ERBB4: variants seen among roughly 807,000 people sequenced by gnomAD.
The protein encoded by ERBB4 is erb-b2 receptor tyrosine kinase 4.
ERBB4 carries 42 observed loss-of-function variants against 158.0 expected under a neutral mutation model. That is an observed-to-expected ratio of 0.27 (90% confidence interval 0.21 to 0.34). The LOEUF (loss-of-function observed/expected upper bound fraction) is 0.34. Among genes scored for constraint, ERBB4 ranks in the 10% least tolerant of loss-of-function variants. The probability of loss-of-function intolerance (pLI) is 1.00; values close to 1 mark genes in which losing one functional copy is unlikely to be tolerated. For synonymous variants in ERBB4, 583 were observed against 558.7 expected, an observed-to-expected ratio of 1.04 and a Z score of -0.61; for missense variants, 1,333 against 1,624.1, an observed-to-expected ratio of 0.82 and a Z score of 3.08.
intron 2 of ERBB4, among the ~76,000 whole-genome samples, chr2:212,015,767 G>C (rs1284178962): frequency 6.6e-6 from 1 of 152,072 alleles, no homozygotes; most frequent in Non-Finnish European, 1.5e-5. Flanking sequence ...ACAGTGTCTA[G>C]TATTTTCAAC....
intron 1 of ERBB4, among the ~76,000 whole-genome samples, chr2:212,423,509 T>C (rs1419282039): frequency 6.6e-6 from 1 of 152,188 alleles, no homozygotes; most frequent in Non-Finnish European, 1.5e-5. Flanking sequence ...ATACTATAAG[T>C]AGAAAAGCAG....
chr2:211,944,082 T>TAC (rs1491522091), intron 3 of ERBB4, among the ~76,000 whole-genome samples: 1 of 7,012 alleles, frequency 1.4e-4, no homozygotes, highest in Non-Finnish European at 3.6e-4. Flanking sequence ...ATGGTTACAC[T>TAC]ATATATATAT....
chr2:212,058,785 G>A (rs1236577101), intron 2 of ERBB4, among the ~76,000 whole-genome samples: 10 of 152,202 alleles, frequency 6.6e-5, no homozygotes, highest in East Asian at 1.9e-4. Context: ...TTGATGGGAC[G>A]TATCTCAAAA....
intron 2 of ERBB4, among the ~76,000 whole-genome samples, chr2:211,990,516 A>G (rs2082044932): frequency 7.1e-6 from 1 of 140,572 alleles, no homozygotes; most frequent in South Asian, 2.3e-4. Context: ...TAACCAAAAT[A>G]AAAATAAAAA....
chr2:212,124,586 T>C (rs923657700), intron 2 of ERBB4, 166 bp downstream of exon 2: 16 of 707,368 alleles, frequency 2.3e-5, no homozygotes, highest in Non-Finnish European at 3.9e-5. Flanking sequence ...TTGTTACTCT[T>C]GTTCTTTTCC....
chr2:211,946,170 C>A (rs1199606055), intron 3 of ERBB4, among the ~76,000 whole-genome samples: 2 of 151,952 alleles, frequency 1.3e-5, no homozygotes, highest in African/African-American at 4.8e-5. Flanking sequence ...AATTTGCATT[C>A]ACCATTATTT....
At chr2:212,113,609 T>C (rs1489161997) in intron 2 of ERBB4, among the ~76,000 whole-genome samples, 6 of 144,156 alleles carry the variant, frequency 4.2e-5, no homozygotes, top group Non-Finnish European at 7.5e-5. Context: ...AAAAAGGAAT[T>C]GGACATAAGG....
intron 2 of ERBB4, among the ~76,000 whole-genome samples, chr2:212,073,991 T>G (rs574103216): frequency 6.6e-6 from 1 of 152,116 alleles, no homozygotes; most frequent in African/African-American, 2.4e-5. Flanking sequence ...CCTCACATTC[T>G]CAACTTGTGA....
At chr2:211,610,131 C>G (rs112107285) in intron 19 of ERBB4, among the ~76,000 whole-genome samples, 2,029 of 151,728 alleles carry the variant, frequency 0.013, 44 homozygotes, top group African/African-American at 0.045. Flanking sequence ...GAATTTTTAT[C>G]TTTTATCCAC....
At chr2:212,071,246 A>G (rs767488476) in intron 2 of ERBB4, among the ~76,000 whole-genome samples, 9 of 151,844 alleles carry the variant, frequency 5.9e-5, no homozygotes, top group Non-Finnish European at 1.2e-4. Flanking sequence ...TCTGGTCCAT[A>G]CCTATATTTC....
chr2:212,332,576 A>G (rs1018541351), intron 1 of ERBB4, among the ~76,000 whole-genome samples: 4 of 152,034 alleles, frequency 2.6e-5, no homozygotes, highest in Non-Finnish European at 1.5e-5. Context: ...TAATTAATTA[A>G]TATAAGTAAT....
At chr2:212,009,391 C>CA (rs1207961343) in intron 2 of ERBB4, among the ~76,000 whole-genome samples, 1 of 151,414 alleles carries the variant, frequency 6.6e-6, no homozygotes, top group African/African-American at 2.4e-5. Flanking sequence ...AACACAGCTA[C>CA]AACCAAGGAA....
intron 2 of ERBB4, among the ~76,000 whole-genome samples, chr2:212,039,559 A>T (rs1263678303): frequency 6.6e-6 from 1 of 152,182 alleles, no homozygotes; most frequent in African/African-American, 2.4e-5. Flanking sequence ...CTTCTTATTA[A>T]GTAGTGCTCA....
intron 20 of ERBB4, among the ~76,000 whole-genome samples, chr2:211,506,327 C>T (rs2065749266): frequency 6.6e-6 from 1 of 152,010 alleles, no homozygotes; most frequent in Non-Finnish European, 1.5e-5. Context: ...CTTCAACATC[C>T]CATTGATAAC....
At chr2:212,384,134 C>T (rs998582383) in intron 1 of ERBB4, among the ~76,000 whole-genome samples, 2 of 151,610 alleles carry the variant, frequency 1.3e-5, no homozygotes, top group Admixed American at 1.3e-4. Context: ...TTAATAAGCA[C>T]AGAAGCTGCT....
intron 23 of ERBB4, 136 bp from the exon 24 acceptor site, chr2:211,422,240 G>A (rs1330981020): frequency 1.6e-6 from 1 of 643,276 alleles, no homozygotes; most frequent in Non-Finnish European, 2.8e-6. Context: ...AAGCAAGCTA[G>A]TGAAAGAAAC....
chr2:212,113,561 G>GAGACTCCA (rs569902635), intron 2 of ERBB4, among the ~76,000 whole-genome samples: 1,397 of 107,954 alleles, frequency 0.013, 16 homozygotes, highest in Middle Eastern at 0.051. Context: ...GTGACAGAGC[G>GAGACTCCA]AGACTCCATC....
intron 20 of ERBB4, among the ~76,000 whole-genome samples, chr2:211,494,116 C>T (rs2065412006): frequency 6.6e-6 from 1 of 152,116 alleles, no homozygotes; most frequent in African/African-American, 2.4e-5. Context: ...AATTCTTGGG[C>T]TTCAGTCTCT....
intron 3 of ERBB4, among the ~76,000 whole-genome samples, chr2:211,882,798 G>A (rs995495800): frequency 6.6e-6 from 1 of 152,162 alleles, no homozygotes; most frequent in Non-Finnish European, 1.5e-5. Flanking sequence ...TCTAACAATT[G>A]AAGAGACTGA....
Sources: gnomAD v4.1 joint callset for allele counts (sites outside exome capture counted in the v4.1 genomes callset) on GRCh38, gnomAD v4.1.1 for gene constraint, MANE v1.5 for transcripts, NCBI Gene and HGNC (gene_info 2026-07-23, HGNC 2026-07-21) for gene names.